Variants in MAST4 observed in about 807,000 individuals in gnomAD.
MAST4 encodes microtubule associated serine/threonine kinase family member 4.
MAST4 carries 89 observed loss-of-function variants against 162.7 expected under a neutral mutation model. That is an observed-to-expected ratio of 0.55 (90% CI 0.46 to 0.65). The LOEUF is 0.65. Among genes scored for constraint, MAST4 ranks in the 30% least tolerant of loss-of-function variants. The pLI is 0.00. For synonymous variants in MAST4, 1,479 were observed against 1,361.1 expected, an observed-to-expected ratio of 1.09 and a Z score of -1.91; for missense variants, 3,153 against 3,374.0, an observed-to-expected ratio of 0.93 and a Z score of 1.62.
intron 1 of MAST4, among the ~76,000 whole-genome samples, chr5:66,651,175 A>G (rs1746191936): frequency 6.6e-6 from 1 of 152,066 alleles, no homozygotes; most frequent in African/African-American, 2.4e-5. Context: ...GATTTGATTG[A>G]GAATCTTTTT....
In MAST4 at chr5:66,924,595, T is replaced by C. The variant is rs1580893726; in HGVS notation, c.674+24613T>C. Among the ~76,000 whole-genome samples the C allele has an allele frequency of 2.0e-5, 3 of 152,042 alleles. No homozygotes were observed. In the East Asian group the frequency reaches 5.8e-4, roughly 29 times the overall value. The stretch of plus-strand genomic sequence containing the variant: ...TAATTTTTTGTATTTTTAGTAGAGA[T>C]GGGGTTTCACCATGGTTTTGATCTC... On this transcript the variant is annotated intron_variant, in intron 4 of 28. Coordinates refer to ENST00000403625, the MANE Select transcript of MAST4 (RefSeq NM_001164664.2).
At chr5:67,057,319 C>T (rs1041089326) in intron 5 of MAST4, among the ~76,000 whole-genome samples, 1 of 152,114 alleles carries the variant, frequency 6.6e-6, no homozygotes, top group African/African-American at 2.4e-5. Context: ...AAACCTCCAT[C>T]TCTCAGCACT....
At chr5:67,139,842 T>C (rs2151025379) in intron 19 of MAST4, among the ~76,000 whole-genome samples, 1 of 152,354 alleles carries the variant, frequency 6.6e-6, no homozygotes, top group African/African-American at 2.4e-5. Flanking sequence ...CATAAGTGCC[T>C]GAGAAACTGG....
chr5:66,878,223 T>C (rs1306879118), intron 3 of MAST4, among the ~76,000 whole-genome samples: 1 of 152,238 alleles, frequency 6.6e-6, no homozygotes, highest in Non-Finnish European at 1.5e-5. Context: ...TTTAACTCTG[T>C]GGGACAACTG....
At position 67,144,650 on chromosome 5, in the gene MAST4, C is replaced by A. The variant is rs79762765; in HGVS notation, c.2731-19C>A. On this transcript the variant is annotated intron_variant, in intron 21 of 28. Transcript: ENST00000403625. ...TCTTTTTAGTAGATATTAATAAGCA[C>A]CAATTATTTGCCTTCCAGGTTTTCA... 1.9e-6 allele frequency: 3 copies of A among 1,611,378 alleles called. No homozygotes were observed. Among genetic ancestry groups the A allele is most frequent in the Non-Finnish European group, 1.7e-6 (2 of 1,178,834 alleles).
intron 3 of MAST4, among the ~76,000 whole-genome samples, chr5:66,879,669 C>T (rs116671270): frequency 0.015 from 2,224 of 152,268 alleles, 18 homozygotes; most frequent in Middle Eastern, 0.027. Flanking sequence ...CACATCACCA[C>T]GCCCAGATAA....
chr5:67,069,313 A>ATATATATATATATATATATATATATATAT (rs1230619144), intron 5 of MAST4, among the ~76,000 whole-genome samples: 13 of 65,312 alleles, frequency 2.0e-4, no homozygotes, highest in Non-Finnish European at 3.1e-4. Context: ...TATATATATA[A>ATATATATATATATATATATATATATATAT]AATTTTAAAA....
At chr5:67,001,640 T>C (rs1751311193) in intron 4 of MAST4, 1 of 152,170 alleles carries the variant, frequency 6.6e-6, no homozygotes, top group Non-Finnish European at 1.5e-5. Context: ...CATTGATTTA[T>C]CCATTTTAGT....
chr5:66,640,983 C>G (rs930615268), intron 1 of MAST4, among the ~76,000 whole-genome samples: 10 of 152,088 alleles, frequency 6.6e-5, no homozygotes, highest in Non-Finnish European at 1.0e-4. Context: ...AGTTTGAGCA[C>G]CTGTTAGCCA....
intron 3 of MAST4, among the ~76,000 whole-genome samples, chr5:66,820,497 G>A (rs917620170): frequency 3.9e-5 from 6 of 152,104 alleles, no homozygotes; most frequent in Non-Finnish European, 5.9e-5. Context: ...TGGTCCCAGC[G>A]TTAGCTGTGC....
chr5:67,158,002 C>T (rs972355165), intron 26 of MAST4, among the ~76,000 whole-genome samples: 3 of 152,164 alleles, frequency 2.0e-5, no homozygotes, highest in Non-Finnish European at 2.9e-5. Context: ...ATAGCCCCAG[C>T]GGTCATTATG....
At chr5:67,028,724 A>G (rs1754962885) in intron 4 of MAST4, among the ~76,000 whole-genome samples, 1 of 152,156 alleles carries the variant, frequency 6.6e-6, no homozygotes, top group African/African-American at 2.4e-5. Context: ...GATGAAGATG[A>G]TATCTTCAGT....
chr5:66,979,504 T>A (rs1417426777), intron 4 of MAST4, among the ~76,000 whole-genome samples: 1 of 152,192 alleles, frequency 6.6e-6, no homozygotes, highest in Non-Finnish European at 1.5e-5. Flanking sequence ...TGAATGGCCT[T>A]AAGGTCCAAT....
At chr5:66,752,318 C>A (rs1254714176) in intron 1 of MAST4, among the ~76,000 whole-genome samples, 1 of 151,086 alleles carries the variant, frequency 6.6e-6, no homozygotes, top group Non-Finnish European at 1.5e-5. Context: ...TGTCAATGGA[C>A]TAAATGCTCC....
At chr5:66,926,928 G>C (rs1764950301) in intron 4 of MAST4, among the ~76,000 whole-genome samples, 1 of 152,170 alleles carries the variant, frequency 6.6e-6, no homozygotes, top group African/African-American at 2.4e-5. Context: ...ACTGAGATCA[G>C]AGAGAGTTGC....
chr5:66,753,278 A>G (rs1208341765), intron 1 of MAST4, among the ~76,000 whole-genome samples: 1 of 152,226 alleles, frequency 6.6e-6, no homozygotes, highest in African/African-American at 2.4e-5. Flanking sequence ...AAAAGCTAGC[A>G]GAAGGCAAGA....
chr5:66,876,268 T>G (rs978362751), intron 3 of MAST4, among the ~76,000 whole-genome samples: 14 of 152,156 alleles, frequency 9.2e-5, no homozygotes, highest in Non-Finnish European at 1.8e-4. Context: ...TGGAGGGAGA[T>G]CTGAGTGGCA....
intron 5 of MAST4, among the ~76,000 whole-genome samples, chr5:67,086,662 G>C (rs1257195141): frequency 1.3e-5 from 2 of 152,214 alleles, no homozygotes; most frequent in Non-Finnish European, 1.5e-5. Flanking sequence ...CAGGATTTTA[G>C]TTATAAGCAA....
intron 6 of MAST4, 34 bp from the exon 7 acceptor site, chr5:67,095,563 G>A: frequency 6.4e-7 from 1 of 1,554,680 alleles, no homozygotes; most frequent in Non-Finnish European, 8.8e-7. Context: ...CAGTACGCCA[G>A]TGTTGGCCTA....
Sources: allele counts gnomAD v4.1 joint callset (sites outside exome capture counted in the v4.1 genomes callset), GRCh38; gene constraint gnomAD v4.1.1; transcripts MANE v1.5; gene names NCBI Gene and HGNC (gene_info 2026-07-23, HGNC 2026-07-21).